The following HOXB3 variants were observed in gnomAD, a reference collection of about 807,000 sequenced individuals.
HOXB3 encodes homeobox B3.
Under a neutral mutation model 29.2 loss-of-function variants are expected in HOXB3, and 17 were observed. That is an observed-to-expected ratio of 0.58 (90% CI 0.40 to 0.87). The LOEUF (loss-of-function observed/expected upper bound fraction) is 0.87. Among genes scored for constraint, HOXB3 ranks in the 40% least tolerant of loss-of-function variants. The pLI, the probability that HOXB3 is intolerant of heterozygous loss-of-function variation, is 0.00. For missense variants in HOXB3, 637 were observed against 616.3 expected, an observed-to-expected ratio of 1.03 and a Z score of -0.35; for synonymous variants, 317 against 285.9, an observed-to-expected ratio of 1.11 and a Z score of -1.10.
chr17:48,555,459 A>C (rs1407201077), intron 3 of HOXB3, 72 bp downstream of exon 3: 2 of 701,486 alleles, frequency 2.9e-6, no homozygotes, highest in African/African-American at 1.7e-5. Flanking sequence ...GATTGGAGTC[A>C]TATGGGCCAT....
Position 48,552,444 on chromosome 17 carries a change from C to T in HOXB3, c.31G>A (p.Ala11Thr), listed in dbSNP as rs745805494. The change falls in exon 4 of 5, where the codon GCG becomes ACG. Residue 11 changes from alanine to threonine, a missense_variant. Ala to Thr is a moderately conservative substitution (Grantham distance 58, BLOSUM62 0). Coordinates refer to ENST00000498678, the MANE Select transcript of HOXB3 (RefSeq NM_001384749.1). ...GAATAGCCTCCGAAGAGAGCAGCCG[C>T]GGCGTTGTCGTAGTAGGTGGCTTTC... is the stretch of plus-strand genomic sequence containing the variant. MQKATYYDNAAAALFGGYSSY... is the reference protein window; with the variant it reads MQKATYYDNATAALFGGYSSY... The T allele has an allele frequency of 7.6e-6, 12 of 1,583,542 alleles. No homozygotes were observed. In the Admixed American group the frequency reaches 2.1e-4, roughly 27 times the overall value.
At chr17:48,558,645 T>C (rs2069086322) in intron 2 of HOXB3, among the ~76,000 whole-genome samples, 1 of 152,090 alleles carries the variant, frequency 6.6e-6, no homozygotes, top group South Asian at 2.1e-4. Context: ...TAAGGGCCCC[T>C]GTTTGGACTG....
At chr17:48,584,183 T>A (rs934756654) in intron 1 of HOXB3, among the ~76,000 whole-genome samples, 5 of 152,210 alleles carry the variant, frequency 3.3e-5, no homozygotes, top group African/African-American at 4.8e-5. Flanking sequence ...GTAAAAAAGA[T>A]CTCCGTGAGG....
chr17:48,551,141 T>C lies in HOXB3; in HGVS notation c.489A>G (p.Gly163=). 2.3e-6 allele frequency: 3 copies of C among 1,307,288 alleles called. No individual in the cohort carries two copies. Among genetic ancestry groups the C allele is most frequent in the Non-Finnish European group, 2.9e-6 (3 of 1,029,484 alleles). The allele number at this position is 1,307,288 out of a possible 1,614,324, so 81.0% of individuals were successfully genotyped here. ...CACCGCCCCCGCTGCCACCACTGCC[T>C]CCGCCGCCGCCGCCACCGCCGCCGC... ...CGGGGGGGGG[G]GSGGSGGGGG... is the part of the protein sequence containing the mutation. The change falls in exon 5 of 5, where the codon GGA becomes GGG. Residue 163 remains glycine (G), a synonymous_variant. Transcript: ENST00000498678.
chr17:48,554,925 C>G lies in HOXB3; in HGVS notation c.-159+606G>C. On this transcript the variant is annotated intron_variant, in intron 3 of 4. Transcript: ENST00000498678. This position sits in a 1 kb window ranked among gnomAD's most constrained non-coding sequence, Gnocchi z 4.1. Reference sequence around the variant, plus strand: ...CAGAACAAGAGGGGGTGGGGAACAACTCTACCAAGCCAAACAGATCTATTT... The same window carrying G: ...CAGAACAAGAGGGGGTGGGGAACAAGTCTACCAAGCCAAACAGATCTATTT... 1.5e-6 allele frequency: 1 copy of G among 677,320 alleles called. No individual in the cohort carries two copies. Among genetic ancestry groups the G allele is most frequent in the East Asian group, 2.7e-5 (1 of 36,908 alleles). The allele number at this position is 677,320 out of a possible 1,614,324, so 42.0% of individuals were successfully genotyped here. A position where few individuals can be genotyped will look rare whatever the true frequency, so the allele number is the denominator to read the frequency against.
At chr17:48,569,127 G>A (rs1047801656) in intron 2 of HOXB3, among the ~76,000 whole-genome samples, 2 of 151,500 alleles carry the variant, frequency 1.3e-5, no homozygotes, top group African/African-American at 4.9e-5. Context: ...TTGCACGTCA[G>A]AAACAGGGAG....
intron 1 of HOXB3, chr17:48,576,180 G>A (rs1447533806): frequency 2.0e-5 from 3 of 153,126 alleles, no homozygotes; most frequent in African/African-American, 7.2e-5. Context: ...TGGGTATCGG[G>A]AGTGGGGGAC....
chr17:48,573,528 A>C (rs1466489475), intron 2 of HOXB3, among the ~76,000 whole-genome samples: 1 of 152,068 alleles, frequency 6.6e-6, no homozygotes, highest in Non-Finnish European at 1.5e-5. Flanking sequence ...GCATTTTCCA[A>C]AACCAGAAAA....
In HOXB3 at chr17:48,558,940, TGAGA is replaced by T. The variant is rs139226124; in HGVS notation, c.-246-3326_-246-3323del. Among the ~76,000 whole-genome samples the T allele has an allele frequency of 1.0e-3, 151 of 148,892 alleles. 2 individuals carry two copies. The highest frequency in any genetic ancestry group is 2.6e-3 in the African/African-American group (104 of 40,630). ...CATGTGTGTAGGGTGTGTGTGTGTG[TGAGA>T]GAGAGAGAGAGAGAAAGGAGGAGAA... is the stretch of plus-strand genomic sequence containing the variant. On this transcript the variant is annotated intron_variant, in intron 2 of 4. Coordinates refer to ENST00000498678, the MANE Select transcript of HOXB3 (RefSeq NM_001384749.1).
At chr17:48,576,706 C>A in intron 1 of HOXB3, 1 of 1,385,350 alleles carries the variant, frequency 7.2e-7, no homozygotes, top group Admixed American at 1.9e-5. Flanking sequence ...GTTCGTGGCT[C>A]CCGCGTGCGG....
chr17:48,573,865 A>T lies in HOXB3; in HGVS notation c.-275T>A, dbSNP rs775997218. 1 of 702,188 alleles carries T rather than the reference A, an allele frequency of 1.4e-6. No homozygotes were observed. Among genetic ancestry groups the T allele is most frequent in the South Asian group, 1.5e-5 (1 of 67,578 alleles). The allele number at this position is 702,188 out of a possible 1,614,324, so 43.5% of individuals were successfully genotyped here. The stretch of plus-strand genomic sequence containing the variant: ...TGCGCCTCTCGCCTCCTCTCGCCCG[A>T]ACTCTGCAGATCCCATTCATGACGA... On this transcript the variant is annotated 5_prime_UTR_variant, in exon 2 of 5. Transcript: ENST00000498678.
At chr17:48,589,321 A>G (rs1019560289) in intron 1 of HOXB3, among the ~76,000 whole-genome samples, 3 of 152,216 alleles carry the variant, frequency 2.0e-5, no homozygotes, top group Non-Finnish European at 4.4e-5. Flanking sequence ...GGCTTGCCAG[A>G]GTTCTACTTA....
chr17:48,569,726 T>C (rs537834525), intron 2 of HOXB3, among the ~76,000 whole-genome samples: 212 of 152,270 alleles, frequency 1.4e-3, no homozygotes, highest in African/African-American at 4.8e-3. Context: ...AAGTCCATGG[T>C]ATAAGTGGAT....
chr17:48,551,137 T>TGCCTCCGCCGCCGCCGCC lies in HOXB3; in HGVS notation c.475_492dup (p.Gly159_Gly164dup), dbSNP rs2068720973. On this transcript the variant is annotated inframe_insertion, in exon 5 of 5. Coordinates refer to ENST00000498678, the MANE Select transcript of HOXB3 (RefSeq NM_001384749.1). Reference sequence around the variant, plus strand: ...CCGCCACCGCCCCCGCTGCCACCACTGCCTCCGCCGCCGCCGCCACCGCCG... The same window carrying TGCCTCCGCCGCCGCCGCC: ...CCGCCACCGCCCCCGCTGCCACCACTGCCTCCGCCGCCGCCGCCGCCTCCGCCGCCGCCGCCACCGCCG... 7.6e-7 allele frequency: 1 copy of TGCCTCCGCCGCCGCCGCC among 1,308,786 alleles called. No homozygotes were observed. The highest frequency in any genetic ancestry group is 3.2e-5 in the Admixed American group (1 of 31,508). The allele number at this position is 1,308,786 out of a possible 1,614,324, so 81.1% of individuals were successfully genotyped here.
intron 1 of HOXB3, among the ~76,000 whole-genome samples, chr17:48,586,537 C>A (rs939222596): frequency 2.0e-5 from 3 of 152,180 alleles, no homozygotes; most frequent in African/African-American, 7.2e-5. Flanking sequence ...GTCTGCTGAC[C>A]TCTGCATGAT....
chr17:48,585,651 AC>A (rs2070033610), intron 1 of HOXB3, among the ~76,000 whole-genome samples: 1 of 151,474 alleles, frequency 6.6e-6, no homozygotes. Context: ...CGCCTCCCAG[AC>A]CCCCACCTCT....
At chr17:48,576,425 TTCTG>T (rs924059107) in intron 1 of HOXB3, 41 of 263,592 alleles carry the variant, frequency 1.6e-4, no homozygotes, top group Middle Eastern at 1.0e-3. Context: ...CTATTTCTCT[TTCTG>T]TCTTTTTCTT....
chr17:48,563,923 C>T (rs1349706295), intron 2 of HOXB3, among the ~76,000 whole-genome samples: 2 of 151,992 alleles, frequency 1.3e-5, no homozygotes, highest in African/African-American at 4.8e-5. Flanking sequence ...CCTGGAAAAC[C>T]CTCCTGGGCC....
rs1019044784 is a variant in HOXB3 at position 48,554,052 on chromosome 17, G to A, written c.-158-1420C>T. The A allele has an allele frequency of 6.5e-6, 1 of 154,904 alleles. No homozygotes were observed. The highest frequency in any genetic ancestry group is 6.3e-5 in the Admixed American group (1 of 15,930). 9.6% of individuals were successfully genotyped at this position (154,904 alleles called of 1,614,324 possible). On this transcript the variant is annotated intron_variant, in intron 3 of 4. Coordinates refer to ENST00000498678, the MANE Select transcript of HOXB3 (RefSeq NM_001384749.1). The surrounding 1 kb of genome is among the most constrained non-coding windows in gnomAD (Gnocchi z 4.1). The stretch of plus-strand genomic sequence containing the variant: ...GGGAATCAGTGTAACCCTGAGTTCC[G>A]ATTGGTTTCTGGAAATACACATGGG...
Sources: allele counts gnomAD v4.1 joint callset (sites outside exome capture counted in the v4.1 genomes callset), GRCh38; gene constraint gnomAD v4.1.1; non-coding constraint Gnocchi (gnomAD v3.1); transcripts MANE v1.5; gene names NCBI Gene and HGNC (gene_info 2026-07-23, HGNC 2026-07-21).